Variants in CEP83 observed in about 807,000 individuals in gnomAD.
The protein encoded by CEP83 is centrosomal protein 83.
Under a neutral mutation model 101.9 loss-of-function variants are expected in CEP83, and 70 were observed. The observed-to-expected ratio is 0.69, with a 90% CI of 0.57 to 0.84. The LOEUF (loss-of-function observed/expected upper bound fraction) is 0.84, where lower values mean the gene tolerates loss of function less well. Among genes scored for constraint, CEP83 ranks in the 40% least tolerant of loss-of-function variants. The pLI is 0.00. For synonymous variants in CEP83, 264 were observed against 267.9 expected (o/e 0.99, Z 0.14); for missense variants, 715 against 787.2 (o/e 0.91, Z 1.10).
intron 11 of CEP83, among the ~76,000 whole-genome samples, chr12:94,340,222 C>G (rs1015717103): frequency 6.6e-6 from 1 of 152,206 alleles, no homozygotes; most frequent in Non-Finnish European, 1.5e-5. Context: ...TACAGGATAT[C>G]ATAAATGTTC....
At chr12:94,379,823 T>C (rs1247806990) in intron 6 of CEP83, among the ~76,000 whole-genome samples, 2 of 152,078 alleles carry the variant, frequency 1.3e-5, no homozygotes, top group Non-Finnish European at 2.9e-5. Flanking sequence ...GAACTCATTC[T>C]TTCCCTTTCC....
At chr12:94,322,214 C>T (rs1027779497) in intron 14 of CEP83, among the ~76,000 whole-genome samples, 3 of 152,256 alleles carry the variant, frequency 2.0e-5, no homozygotes, top group Admixed American at 6.5e-5. Context: ...CCACTCCAGC[C>T]GCTAATCACC....
At chr12:94,328,299 C>A in intron 14 of CEP83, 2 of 347,862 alleles carry the variant, frequency 5.7e-6, no homozygotes, top group Non-Finnish European at 5.8e-6. Flanking sequence ...AACTCAAGAT[C>A]CTGTTCAAGC....
Position 94,457,025 on chromosome 12 carries a change from T to C in CEP83, c.-155+2532A>G, listed in dbSNP as rs77487739. ...ATGTATGTATGAGGTCATGGTGGAG[T>C]TGAACCTTATAGAAAAGGTACAATT... On this transcript the variant is annotated intron_variant, in intron 1 of 16. Transcript: ENST00000397809. Among the ~76,000 whole-genome samples the C allele has an allele frequency of 8.9e-3, 1,351 of 151,320 alleles. 21 individuals carry two copies. Among genetic ancestry groups the C allele is most frequent in the African/African-American group, 0.032 (1,304 of 41,190 alleles).
Position 94,458,510 on chromosome 12 carries a change from G to A in CEP83, c.-155+1047C>T, listed in dbSNP as rs189352320. Among the ~76,000 whole-genome samples, 9 of 152,136 alleles carry A rather than the reference G, an allele frequency of 5.9e-5. No homozygotes were observed. In the East Asian group the frequency reaches 1.7e-3, roughly 29 times the overall value. ...TCCCAGCACTTTGGGAGGCCGAGGT[G>A]GGCGGATCACCTGAGGTCGGGAGTT... On this transcript the variant is annotated intron_variant, in intron 1 of 16. Coordinates refer to ENST00000397809, the MANE Select transcript of CEP83 (RefSeq NM_016122.3).
intron 2 of CEP83, among the ~76,000 whole-genome samples, chr12:94,434,772 T>C (rs1007036243): frequency 6.6e-6 from 1 of 152,254 alleles, no homozygotes; most frequent in Admixed American, 6.5e-5. Flanking sequence ...ATATACCTTA[T>C]ACATACACAT....
intron 13 of CEP83, among the ~76,000 whole-genome samples, chr12:94,333,200 T>C (rs2059309695): frequency 6.6e-6 from 1 of 152,150 alleles, no homozygotes; most frequent in Admixed American, 6.5e-5. Context: ...AGAAATGTTT[T>C]GGTTTAATCA....
At chr12:94,378,430 G>C (rs964404622) in intron 7 of CEP83, among the ~76,000 whole-genome samples, 4 of 152,140 alleles carry the variant, frequency 2.6e-5, no homozygotes, top group African/African-American at 9.7e-5. Context: ...CCCAGTGTAA[G>C]GAATGTACTA....
At chr12:94,395,188 G>C (rs142704543) in intron 6 of CEP83, among the ~76,000 whole-genome samples, 2,983 of 151,994 alleles carry the variant, frequency 0.02, 36 homozygotes, top group Middle Eastern at 0.034. Flanking sequence ...CCTGTCAGGG[G>C]GTGGGGGCCT....
At chr12:94,315,043 TAAATATTTTACGA>T (rs796526679) in intron 14 of CEP83, among the ~76,000 whole-genome samples, 9 of 152,352 alleles carry the variant, frequency 5.9e-5, no homozygotes, top group African/African-American at 1.9e-4. Flanking sequence ...GGGGATATCA[TAAATATTTTACGA>T]ACATTCCTAA....
intron 11 of CEP83, among the ~76,000 whole-genome samples, chr12:94,342,828 C>T (rs554338622): frequency 6.6e-6 from 1 of 151,342 alleles, no homozygotes; most frequent in South Asian, 2.1e-4. Flanking sequence ...CTAAACGCTA[C>T]AATTCACACT....
chr12:94,370,139 T>C, intron 8 of CEP83, 103 bp from the exon 9 acceptor site: 1 of 686,868 alleles, frequency 1.5e-6, no homozygotes, highest in Non-Finnish European at 2.6e-6. Context: ...GGTAGTAAAG[T>C]AGAGTCTAAG....
chr12:94,369,861 A>C, intron 9 of CEP83, 61 bp downstream of exon 9: 1 of 865,176 alleles, frequency 1.2e-6, no homozygotes. Flanking sequence ...CTATTTTAAT[A>C]ATTTGAGTTC....
chr12:94,415,472 A>G (rs2064196043), intron 2 of CEP83, among the ~76,000 whole-genome samples: 1 of 152,136 alleles, frequency 6.6e-6, no homozygotes, highest in Admixed American at 6.5e-5. Context: ...GAGTCCTCAT[A>G]TCAAAAGTAC....
intron 2 of CEP83, among the ~76,000 whole-genome samples, chr12:94,427,745 C>T (rs966438428): frequency 6.6e-6 from 1 of 151,738 alleles, no homozygotes; most frequent in Admixed American, 6.6e-5. Context: ...TTTTAAAAAA[C>T]AACATTAAAA....
At chr12:94,331,639 TG>T in intron 14 of CEP83, 60 bp downstream of exon 14, 1 of 1,529,776 alleles carries the variant, frequency 6.5e-7, no homozygotes, top group Non-Finnish European at 9.0e-7. Flanking sequence ...CCCAAAGTGC[TG>T]GGATTACAGG....
chr12:94,395,087 G>C (rs184149480), intron 6 of CEP83, among the ~76,000 whole-genome samples: 1 of 151,990 alleles, frequency 6.6e-6, no homozygotes, highest in Non-Finnish European at 1.5e-5. Context: ...TCTAGAACTA[G>C]AAATACCATT....
Position 94,345,845 on chromosome 12 carries a change from A to G in CEP83, c.1344-10181T>C, listed in dbSNP as rs370486742. Among the ~76,000 whole-genome samples, 15 of 152,298 alleles carry G rather than the reference A, an allele frequency of 9.8e-5. No homozygotes were observed. In the East Asian group the frequency reaches 2.5e-3, roughly 25 times the overall value. Reference sequence around the variant, plus strand: ...CAATAAGATTTCCATACGATTGTCCATTCTTCAATCATGTTTATCCAATGA... The same window carrying G: ...CAATAAGATTTCCATACGATTGTCCGTTCTTCAATCATGTTTATCCAATGA... On this transcript the variant is annotated intron_variant, in intron 11 of 16. Transcript: ENST00000397809.
chr12:94,304,976 C>G (rs533497882), downstream of CEP83, among the ~76,000 whole-genome samples: 2 of 152,126 alleles, frequency 1.3e-5, no homozygotes, highest in Non-Finnish European at 1.5e-5. Context: ...GTATTTCTTG[C>G]GAGCTTCTAT....
Sources: allele counts gnomAD v4.1 joint callset (sites outside exome capture counted in the v4.1 genomes callset), GRCh38; gene constraint gnomAD v4.1.1; transcripts MANE v1.5; gene names NCBI Gene and HGNC (gene_info 2026-07-23, HGNC 2026-07-21).